Variants in RARG observed in about 807,000 individuals in gnomAD.
RARG encodes the protein retinoic acid receptor gamma.
RARG carries 17 observed loss-of-function variants against 43.7 expected under a neutral mutation model. That is an observed-to-expected ratio of 0.39 (90% CI 0.27 to 0.58). The LOEUF (loss-of-function observed/expected upper bound fraction) is 0.58. Among genes scored for constraint, RARG ranks in the 20% least tolerant of loss-of-function variants. RARG has a pLI of 0.57. For missense variants in RARG, 346 were observed against 598.7 expected (o/e 0.58, Z 4.40); for synonymous variants, 238 against 236.4 (o/e 1.01, Z -0.06).
rs1344359674 is a variant in RARG, at chr12:53,210,948, C to G, written c.*728G>C. Reference sequence around the variant, plus strand: ...AAGGCACTAGGGAGAGAGGGATCCCCTGGCCCCTCTGTAGTGTAGGAGGGT... The same window carrying G: ...AAGGCACTAGGGAGAGAGGGATCCCGTGGCCCCTCTGTAGTGTAGGAGGGT... On this transcript the variant is annotated 3_prime_UTR_variant, in exon 10 of 10. Transcript: ENST00000425354. The G allele has an allele frequency of 6.5e-6, 1 of 152,764 alleles. No homozygotes were observed. The highest frequency in any genetic ancestry group is 2.4e-5 in the African/African-American group (1 of 41,456). The allele number at this position is 152,764 out of a possible 1,614,324, so 9.5% of individuals were successfully genotyped here.
Position 53,215,805 on chromosome 12 carries a change from A to G in RARG, c.185-11T>C. On this transcript the variant is annotated splice_polypyrimidine_tract_variant and intron_variant, in intron 3 of 9. Coordinates refer to ENST00000425354, the MANE Select transcript of RARG (RefSeq NM_000966.6). The surrounding 1 kb of genome is among the most constrained non-coding windows in gnomAD (Gnocchi z 6.4). Reference sequence around the variant, plus strand: ...TCTGTGTCTCCACCGCTGGGAGGGAAGCAGTGATGTGAGGGTCAGGGGAGA... The same window carrying G: ...TCTGTGTCTCCACCGCTGGGAGGGAGGCAGTGATGTGAGGGTCAGGGGAGA... 1 of 1,592,734 alleles carries G rather than the reference A, an allele frequency of 6.3e-7. No homozygotes were observed. The highest frequency in any genetic ancestry group is 8.6e-7 in the Non-Finnish European group (1 of 1,168,016).
chr12:53,215,772 G>A lies in RARG; in HGVS notation c.207C>T (p.Ser69=). The part of the protein sequence containing the change: ...ASLSVETQST[S]SEEMVPSSPS... Reference sequence around the variant, plus strand: ...GCGAGCTGGGCACCATCTCCTCTGAGCTGGTGCTCTGTGTCTCCACCGCTG... The same window carrying A: ...GCGAGCTGGGCACCATCTCCTCTGAACTGGTGCTCTGTGTCTCCACCGCTG... Residue 69 remains serine, a synonymous_variant, in exon 4 of 10, where the codon AGC becomes AGT. Coordinates refer to ENST00000425354, the MANE Select transcript of RARG (RefSeq NM_000966.6). The surrounding 1 kb of genome is among the most constrained non-coding windows in gnomAD (Gnocchi z 6.4). The A allele has an allele frequency of 1.9e-6, 3 of 1,610,610 alleles. No homozygotes were observed. Among genetic ancestry groups the A allele is most frequent in the East Asian group, 4.5e-5 (2 of 44,860 alleles).
Position 53,213,417 on chromosome 12 carries a change from C to A in RARG, c.1018+79G>T. On this transcript the variant is annotated intron_variant, in intron 8 of 9. Transcript: ENST00000425354. This position sits in a 1 kb window ranked among gnomAD's most constrained non-coding sequence, Gnocchi z 4.7. Reference sequence around the variant, plus strand: ...GAAGAGACCACTGGGTCCTCCACGCCCCCTCCCAGACAGATTCCGCATGGA... The same window carrying A: ...GAAGAGACCACTGGGTCCTCCACGCACCCTCCCAGACAGATTCCGCATGGA... 1 of 1,540,694 alleles carries A rather than the reference C, an allele frequency of 6.5e-7. No homozygotes were observed. Among genetic ancestry groups the A allele is most frequent in the Non-Finnish European group, 8.9e-7 (1 of 1,123,484 alleles).
Position 53,215,680 on chromosome 12 carries a change from T to C in RARG, c.299A>G (p.Tyr100Cys). ...TTCACAAGAGCTGACCCCATAGTGG[T>C]AGCCAGAGGACTTGTCATTGCACAC... ...CFVCNDKSSG[Y>C]HYGVSSCEGC... is the part of the protein sequence containing the mutation. Residue 100 changes from tyrosine to cysteine, a missense_variant, in exon 4 of 10, where the codon TAC becomes TGC. Around this residue, in one of 8 missense-constraint regions of RARG, gnomAD observed 50 missense variants for 117.7 expected, o/e 0.42. Transcript: ENST00000425354. This position sits in a 1 kb window ranked among gnomAD's most constrained non-coding sequence, Gnocchi z 6.4. 6.2e-7 allele frequency: 1 copy of C among 1,613,840 alleles called. No individual in the cohort carries two copies. The highest frequency in any genetic ancestry group is 8.5e-7 in the Non-Finnish European group (1 of 1,179,962).
intron 2 of RARG, chr12:53,229,933 G>A (rs1004545596): frequency 2.1e-5 from 20 of 970,464 alleles, no homozygotes; most frequent in South Asian, 9.5e-5. Context: ...CTGCATGTGA[G>A]CCAATGAGAG....
intron 3 of RARG, among the ~76,000 whole-genome samples, chr12:53,226,705 G>A: frequency 6.7e-6 from 1 of 150,092 alleles, no homozygotes; most frequent in Non-Finnish European, 1.5e-5. Context: ...TCTGCTTCCT[G>A]TGTTCAAGCA....
Position 53,211,934 on chromosome 12 carries a change from C to T in RARG, c.1178-71G>A. 8.1e-7 allele frequency: 1 copy of T among 1,231,860 alleles called. No individual in the cohort carries two copies. Among genetic ancestry groups the T allele is most frequent in the Admixed American group, 3.2e-5 (1 of 30,906 alleles). The allele number at this position is 1,231,860 out of a possible 1,614,324, so 76.3% of individuals were successfully genotyped here. On this transcript the variant is annotated intron_variant, in intron 9 of 9. Transcript: ENST00000425354. The surrounding 1 kb of genome is among the most constrained non-coding windows in gnomAD (Gnocchi z 4.6). ...ATGGCCCTTAAGGCCATCTCCCTAA[C>T]CTTTCTCAACTGCCCCTGACTCCCC...
intron 3 of RARG, among the ~76,000 whole-genome samples, chr12:53,219,557 C>T (rs576806381): frequency 6.6e-6 from 1 of 152,364 alleles, no homozygotes; most frequent in South Asian, 2.1e-4. Flanking sequence ...CAGGGATTCA[C>T]ACGCTCTGCA....
Position 53,227,144 on chromosome 12 carries a change from A to AG in RARG, c.184+217_184+218insC, listed in dbSNP as rs59842241. 0.24 allele frequency among the ~76,000 whole-genome samples: 36,698 copies of AG among 151,922 alleles called. 7,460 individuals carry two copies. Among genetic ancestry groups the AG allele is most frequent in the African/African-American group, 0.55 (22,617 of 41,348 alleles). On this transcript the variant is annotated intron_variant, in intron 3 of 9. Transcript: ENST00000425354. This position sits in a 1 kb window ranked among gnomAD's most constrained non-coding sequence, Gnocchi z 4.3. ...GCCTGCTACCTCCCTATCCTATTTG[A>AG]CAGGAGAACTCTCATTTGCAAACAC...
rs1942748023 is a variant in RARG at position 53,215,920 on chromosome 12, G to A, written c.185-126C>T. 2.9e-6 allele frequency: 3 copies of A among 1,033,894 alleles called. No individual in the cohort carries two copies. The highest frequency in any genetic ancestry group is 4.1e-6 in the Non-Finnish European group (3 of 734,392). The allele number at this position is 1,033,894 out of a possible 1,614,324, so 64.0% of individuals were successfully genotyped here. On this transcript the variant is annotated intron_variant, in intron 3 of 9. Coordinates refer to ENST00000425354, the MANE Select transcript of RARG (RefSeq NM_000966.6). This position sits in a 1 kb window ranked among gnomAD's most constrained non-coding sequence, Gnocchi z 6.4. ...ACTGGTGACAGCCATCACTACCACA[G>A]TGCACTAGTTCCAGCAGTAAGCACT...
chr12:53,213,635 G>A lies in RARG; in HGVS notation c.879C>T (p.Thr293=), dbSNP rs747072460. The part of the protein sequence containing the change: ...QDTMTFSDGL[T]LNRTQMHNAG... Reference sequence around the variant, plus strand: ...CATTGTGCATCTGGGTCCGGTTCAGGGTCAGCCCGTCGGAGAAGGTCATGG... The same window carrying A: ...CATTGTGCATCTGGGTCCGGTTCAGAGTCAGCCCGTCGGAGAAGGTCATGG... The change falls in exon 8 of 10, where the codon ACC becomes ACT. Residue 293 remains threonine (T), a synonymous_variant. Transcript: ENST00000425354. The surrounding 1 kb of genome is among the most constrained non-coding windows in gnomAD (Gnocchi z 4.7). 7 of 1,614,052 alleles carry A rather than the reference G, an allele frequency of 4.3e-6. No homozygotes were observed. The South Asian group carries it at 5.5e-5, about 13-fold the overall frequency.
intron 3 of RARG, among the ~76,000 whole-genome samples, chr12:53,217,211 G>A (rs1466576383): frequency 6.6e-6 from 1 of 152,160 alleles, no homozygotes; most frequent in African/African-American, 2.4e-5. Context: ...AGAAAAAGGA[G>A]AGAGGAGAGG....
In RARG at chr12:53,211,556, T is replaced by C; in HGVS notation, c.*120A>G. On this transcript the variant is annotated 3_prime_UTR_variant, in exon 10 of 10. Coordinates refer to ENST00000425354, the MANE Select transcript of RARG (RefSeq NM_000966.6). The surrounding 1 kb of genome is among the most constrained non-coding windows in gnomAD (Gnocchi z 4.6). ...AGAAACTTTGGCAAAAACAAGGAGC[T>C]CATTGGAAGGGGTGGGGAGAGGGCA... 1 of 971,666 alleles carries C rather than the reference T, an allele frequency of 1.0e-6. No homozygotes were observed. The highest frequency in any genetic ancestry group is 1.4e-6 in the Non-Finnish European group (1 of 719,998). 60.2% of individuals were successfully genotyped at this position (971,666 alleles called of 1,614,324 possible). A position where few individuals can be genotyped will look rare whatever the true frequency, so the allele number is the denominator to read the frequency against.
chr12:53,228,647 A>G (rs1243030310), intron 2 of RARG, among the ~76,000 whole-genome samples: 2 of 152,168 alleles, frequency 1.3e-5, no homozygotes, highest in Non-Finnish European at 2.9e-5. Context: ...TATGATGCCA[A>G]GGAGCTGCTT....
At position 53,211,816 on chromosome 12, in the gene RARG, G is replaced by A; in HGVS notation, c.1225C>T (p.Pro409Ser). The change falls in exon 10 of 10, where the codon CCT (proline) becomes TCT (serine). Residue 409 changes from proline to serine, a missense_variant. By Grantham distance (74) the Pro-to-Ser change is moderately conservative. Around this residue, in one of 8 missense-constraint regions of RARG, gnomAD observed 20 missense variants for 58.5 expected, o/e 0.34. Coordinates refer to ENST00000425354, the MANE Select transcript of RARG (RefSeq NM_000966.6). This position sits in a 1 kb window ranked among gnomAD's most constrained non-coding sequence, Gnocchi z 4.6. ...TCCAGCATCTCTCGGATTAAGGGAG[G>A]CATCGGGCCTGGAATCTCCATCTTC... ...TLKMEIPGPM[P>S]PLIREMLENP... 6.5e-7 allele frequency: 1 copy of A among 1,540,870 alleles called. No homozygotes were observed. Among genetic ancestry groups the A allele is most frequent in the South Asian group, 1.2e-5 (1 of 82,096 alleles).
intron 3 of RARG, among the ~76,000 whole-genome samples, chr12:53,221,469 T>G (rs1398039093): frequency 6.6e-6 from 1 of 152,148 alleles, no homozygotes; most frequent in Admixed American, 6.5e-5. Flanking sequence ...GCGCTTCTGG[T>G]CACTGACTGT....
At chr12:53,224,253 C>T (rs1943056621) in intron 3 of RARG, among the ~76,000 whole-genome samples, 1 of 152,054 alleles carries the variant, frequency 6.6e-6, no homozygotes, top group South Asian at 2.1e-4. Flanking sequence ...CTTCAGACCC[C>T]GAGACAGCCC....
intron 3 of RARG, among the ~76,000 whole-genome samples, chr12:53,221,079 C>T (rs1236894449): frequency 3.9e-5 from 6 of 151,996 alleles, no homozygotes; most frequent in Non-Finnish European, 7.4e-5. Flanking sequence ...CCCCTCGGGG[C>T]GGGTGGCCGA....
intron 3 of RARG, chr12:53,220,469 A>T (rs1477182918): frequency 3.0e-6 from 2 of 657,846 alleles, no homozygotes; most frequent in Non-Finnish European, 4.6e-6. Context: ...GAGCGCACAC[A>T]TACACATACG....
Sources: gnomAD v4.1 joint callset for allele counts (sites outside exome capture counted in the v4.1 genomes callset) on GRCh38, gnomAD v4.1.1 for gene constraint, gnomAD v4.1.1 regional missense constraint, Gnocchi (gnomAD v3.1) non-coding constraint, MANE v1.5 for transcripts, NCBI Gene and HGNC (gene_info 2026-07-23, HGNC 2026-07-21) for gene names.